The following DNM3 variants were observed in gnomAD, a reference collection of about 807,000 sequenced individuals.
DNM3 encodes the protein dynamin 3.
Under a neutral mutation model 101.6 loss-of-function variants are expected in DNM3, and 47 were observed. That is an observed-to-expected ratio of 0.46 (90% confidence interval 0.37 to 0.59). DNM3 has a LOEUF of 0.59. Ranked by LOEUF, DNM3 falls within the 20% of genes least tolerant of loss-of-function variation. DNM3 has a pLI of 0.00. For synonymous variants in DNM3, 385 were observed against 387.9 expected (o/e 0.99, Z 0.09); for missense variants, 849 against 1,085.7 (o/e 0.78, Z 3.06).
At position 172,162,660 on chromosome 1, in the gene DNM3, A is replaced by G. The variant is rs554992237; in HGVS notation, c.1659+31372A>G. ...ATTGCTAATTTTAAAGTGTTACATT[A>G]TAATATTTTAAAATTTTAAAACAAA... On this transcript the variant is annotated intron_variant, in intron 14 of 20. Coordinates refer to ENST00000627582, the MANE Select transcript of DNM3 (RefSeq NM_015569.5). 1.1e-4 allele frequency among the ~76,000 whole-genome samples: 17 copies of G among 152,154 alleles called. No homozygotes were observed. In the East Asian group the frequency reaches 2.7e-3, roughly 24 times the overall value.
chr1:172,358,507 G>T (rs1174222492), intron 17 of DNM3, among the ~76,000 whole-genome samples: 2 of 152,116 alleles, frequency 1.3e-5, no homozygotes, highest in African/African-American at 4.8e-5. Flanking sequence ...CTCACAGGAT[G>T]TGAGTTGGTT....
intron 3 of DNM3, among the ~76,000 whole-genome samples, chr1:171,988,276 C>A (rs1327273422): frequency 6.6e-6 from 1 of 152,058 alleles, no homozygotes; most frequent in Non-Finnish European, 1.5e-5. Context: ...TGGGAAATAA[C>A]CTGTATGCTG....
chr1:172,284,609 G>C (rs1352231449), intron 15 of DNM3, among the ~76,000 whole-genome samples: 1 of 152,086 alleles, frequency 6.6e-6, no homozygotes, highest in East Asian at 1.9e-4. Flanking sequence ...GAATACCATA[G>C]GAACATTATA....
intron 11 of DNM3, among the ~76,000 whole-genome samples, chr1:172,081,120 A>G (rs941304199): frequency 6.6e-6 from 1 of 152,088 alleles, no homozygotes; most frequent in African/African-American, 2.4e-5. Flanking sequence ...GGGTCTTGCT[A>G]TGTTGCCCAG....
At chr1:171,967,672 A>G (rs937802794) in intron 2 of DNM3, among the ~76,000 whole-genome samples, 3 of 152,188 alleles carry the variant, frequency 2.0e-5, no homozygotes, top group African/African-American at 7.2e-5. Flanking sequence ...CCAAGTCACT[A>G]TGCCCAGACA....
chr1:172,066,455 A>G (rs2051672683), intron 10 of DNM3, among the ~76,000 whole-genome samples: 1 of 152,132 alleles, frequency 6.6e-6, no homozygotes, highest in Non-Finnish European at 1.5e-5. Context: ...ATGCTAGCTC[A>G]GGTCGCTAGT....
At chr1:172,344,769 A>T (rs892574633) in intron 17 of DNM3, among the ~76,000 whole-genome samples, 4 of 152,228 alleles carry the variant, frequency 2.6e-5, no homozygotes, top group Non-Finnish European at 4.4e-5. Flanking sequence ...GATGAGACTC[A>T]GCTCAAACTC....
At chr1:172,093,444 A>G (rs1395696493) in intron 13 of DNM3, among the ~76,000 whole-genome samples, 1 of 152,220 alleles carries the variant, frequency 6.6e-6, no homozygotes, top group African/African-American at 2.4e-5. Flanking sequence ...CAGAGATTGT[A>G]TTAACTCAAC....
rs118036409 is a variant in DNM3 at position 172,219,592 on chromosome 1, G to C, written c.1660-33981G>C. ...GCCTGGTGAACTGTAGGAGAGGGAA[G>C]AGGAAAGTCAGTCAAGGGAGCCTTC... On this transcript the variant is annotated intron_variant, in intron 14 of 20. Coordinates refer to ENST00000627582, the MANE Select transcript of DNM3 (RefSeq NM_015569.5). 2.5e-4 allele frequency among the ~76,000 whole-genome samples: 38 copies of C among 152,138 alleles called. No homozygotes were observed. The East Asian group carries it at 6.8e-3, about 27-fold the overall frequency.
At chr1:172,337,866 T>TTTTTATTTTATTTTTA (rs1286026360) in intron 17 of DNM3, among the ~76,000 whole-genome samples, 41 of 113,128 alleles carry the variant, frequency 3.6e-4, no homozygotes, top group African/African-American at 1.3e-3. Context: ...TTTTATTTTA[T>TTTTTATTTTATTTTTA]TTTTATTTTA....
intron 15 of DNM3, among the ~76,000 whole-genome samples, chr1:172,275,513 A>C (rs1483753074): frequency 6.6e-6 from 1 of 152,042 alleles, no homozygotes; most frequent in African/African-American, 2.4e-5. Context: ...ACAGTTGTTG[A>C]CATTTCAACC....
chr1:172,229,635 A>C (rs140447363), intron 14 of DNM3, among the ~76,000 whole-genome samples: 19 of 152,294 alleles, frequency 1.2e-4, no homozygotes, highest in African/African-American at 4.3e-4. Flanking sequence ...AGTGATTAAT[A>C]TTTTGTGAGA....
At chr1:172,028,267 C>T (rs1215066879) in intron 4 of DNM3, among the ~76,000 whole-genome samples, 3 of 152,082 alleles carry the variant, frequency 2.0e-5, no homozygotes, top group African/African-American at 4.8e-5. Context: ...AAGAAACTCA[C>T]GAAAACCACA....
At position 172,086,376 on chromosome 1, in the gene DNM3, G is replaced by A. The variant is rs558582318; in HGVS notation, c.1493+4474G>A. Among the ~76,000 whole-genome samples the A allele has an allele frequency of 2.0e-5, 3 of 152,246 alleles. No homozygotes were observed. In the East Asian group the frequency reaches 5.8e-4, roughly 29 times the overall value. On this transcript the variant is annotated intron_variant, in intron 12 of 20. Transcript: ENST00000627582. ...TACACTCTTGGGACTCTTGTGAAGTGTTCATAATCTTTCTTGGATAATATA... is the reference window on the plus strand; with the variant it reads ...TACACTCTTGGGACTCTTGTGAAGTATTCATAATCTTTCTTGGATAATATA...
chr1:172,111,497 G>C (rs2147948203), intron 13 of DNM3, among the ~76,000 whole-genome samples: 1 of 152,292 alleles, frequency 6.6e-6, no homozygotes, highest in Admixed American at 6.5e-5. Flanking sequence ...AAATCTATTT[G>C]AATTTAGGAT....
At position 172,048,817 on chromosome 1, in the gene DNM3, A is replaced by G. The variant is rs2050000242; in HGVS notation, c.1335+67A>G. ...TTATCAACATTCCCTATCTCATTGC[A>G]TGATTCTCTTTCCCTGACCCTCACT... On this transcript the variant is annotated intron_variant, in intron 10 of 20. Transcript: ENST00000627582. 3.9e-6 allele frequency: 6 copies of G among 1,546,266 alleles called. 1 individual carries two copies. In the South Asian group the frequency reaches 6.0e-5, roughly 16 times the overall value.
chr1:172,221,248 A>G (rs903704497), intron 14 of DNM3, among the ~76,000 whole-genome samples: 2 of 152,142 alleles, frequency 1.3e-5, no homozygotes, highest in Non-Finnish European at 2.9e-5. Context: ...GTCTATATAT[A>G]AAAGATCTTC....
intron 4 of DNM3, among the ~76,000 whole-genome samples, chr1:172,005,101 A>G (rs1370560895): frequency 6.6e-6 from 1 of 152,092 alleles, no homozygotes; most frequent in African/African-American, 2.4e-5. Flanking sequence ...TCTGATTTGA[A>G]TCATGGCTCC....
intron 14 of DNM3, among the ~76,000 whole-genome samples, chr1:172,224,393 A>G (rs1191925193): frequency 6.6e-6 from 1 of 152,164 alleles, no homozygotes; most frequent in East Asian, 1.9e-4. Flanking sequence ...AAACCACCCC[A>G]CATATGAAAA....
Sources: allele counts gnomAD v4.1 joint callset (sites outside exome capture counted in the v4.1 genomes callset), GRCh38; gene constraint gnomAD v4.1.1; transcripts MANE v1.5; gene names NCBI Gene and HGNC (gene_info 2026-07-23, HGNC 2026-07-21).